SPTLC1: variants seen among roughly 807,000 people sequenced by gnomAD.
SPTLC1 encodes serine palmitoyltransferase 1.
Under a neutral mutation model 68.9 loss-of-function variants are expected in SPTLC1, and 55 were observed. That is an observed-to-expected ratio of 0.80 (90% CI 0.64 to 1.00). The LOEUF is 1.00. Among genes scored for constraint, SPTLC1 ranks in the 50% least tolerant of loss-of-function variants. The pLI is 0.00. For synonymous variants in SPTLC1, 197 were observed against 201.6 expected (o/e 0.98, Z 0.19); for missense variants, 449 against 573.1 (o/e 0.78, Z 2.21).
At chr9:92,068,977 T>C (rs1253205842) in intron 5 of SPTLC1, among the ~76,000 whole-genome samples, 1 of 152,146 alleles carries the variant, frequency 6.6e-6, no homozygotes, top group East Asian at 1.9e-4. Context: ...GACCCAACCC[T>C]GGAGGACTAG....
intron 5 of SPTLC1, among the ~76,000 whole-genome samples, chr9:92,070,995 G>C (rs752735518): frequency 6.6e-6 from 1 of 151,802 alleles, no homozygotes; most frequent in Non-Finnish European, 1.5e-5. Context: ...GTTTTCCAGA[G>C]AGAACACCAT....
intron 14 of SPTLC1, among the ~76,000 whole-genome samples, chr9:92,033,524 T>C (rs1833043136): frequency 6.6e-6 from 1 of 152,184 alleles, no homozygotes; most frequent in Non-Finnish European, 1.5e-5. Flanking sequence ...GCACCTACGG[T>C]CTTACTAACA....
intron 4 of SPTLC1, among the ~76,000 whole-genome samples, chr9:92,080,304 T>C (rs1424590834): frequency 6.6e-6 from 1 of 152,192 alleles, no homozygotes; most frequent in Non-Finnish European, 1.5e-5. Context: ...TCTGCATTTG[T>C]GGGCCAAGTC....
chr9:92,061,189 G>T (rs956026839), intron 6 of SPTLC1, among the ~76,000 whole-genome samples: 1 of 152,158 alleles, frequency 6.6e-6, no homozygotes, highest in Non-Finnish European at 1.5e-5. Flanking sequence ...CAAACAAATA[G>T]TTGCCAAGGC....
chr9:92,110,035 T>C (rs1836167840), intron 2 of SPTLC1: 1 of 152,244 alleles, frequency 6.6e-6, no homozygotes, highest in African/African-American at 2.4e-5. Context: ...CCACTTGATA[T>C]TGACACTTTG....
intron 3 of SPTLC1, chr9:92,105,165 C>T (rs1274704925): frequency 1.3e-5 from 20 of 1,533,844 alleles, no homozygotes; most frequent in Non-Finnish European, 1.7e-5. Context: ...GGCCACAGGT[C>T]CCGCAAAAGA....
intron 7 of SPTLC1, among the ~76,000 whole-genome samples, chr9:92,058,151 T>C (rs1833960305): frequency 6.6e-6 from 1 of 152,226 alleles, no homozygotes; most frequent in African/African-American, 2.4e-5. Context: ...TTCTAAATTG[T>C]GTAAATGTGA....
intron 12 of SPTLC1, among the ~76,000 whole-genome samples, chr9:92,041,632 G>A (rs1009180659): frequency 3.9e-4 from 59 of 152,112 alleles, no homozygotes; most frequent in Non-Finnish European, 1.0e-4. Context: ...ATCATCTACC[G>A]AAGCTACCCT....
chr9:92,104,921 A>G (rs2118805638), intron 3 of SPTLC1: 2 of 1,534,468 alleles, frequency 1.3e-6, no homozygotes, highest in East Asian at 2.4e-5. Context: ...TGGAGTCGCC[A>G]GTTCACACAG....
chr9:92,084,739 G>A (rs1278408191), intron 3 of SPTLC1, among the ~76,000 whole-genome samples: 4 of 151,798 alleles, frequency 2.6e-5, no homozygotes, highest in Admixed American at 6.6e-5. Flanking sequence ...TTGGTATCAG[G>A]ATGATGCTGG....
At chr9:92,051,710 A>G (rs1564088617) in intron 8 of SPTLC1, among the ~76,000 whole-genome samples, 1 of 152,268 alleles carries the variant, frequency 6.6e-6, no homozygotes, top group African/African-American at 2.4e-5. Flanking sequence ...AATCTTATAC[A>G]TAGAATAAGA....
At position 92,104,763 on chromosome 9, in the gene SPTLC1, C is replaced by T. The variant is rs533329865; in HGVS notation, c.260+3977G>A. Reference sequence around the variant, plus strand: ...AGCAATGGGGAAGCAGCTTCCACCTCTAGGCCCCTGGAGACTCAGGGAAAC... The same window carrying T: ...AGCAATGGGGAAGCAGCTTCCACCTTTAGGCCCCTGGAGACTCAGGGAAAC... On this transcript the variant is annotated intron_variant, in intron 3 of 14. Transcript: ENST00000262554. 28 of 1,533,746 alleles carry T rather than the reference C, an allele frequency of 1.8e-5. No individual in the cohort carries two copies. In the African/African-American group the frequency reaches 3.8e-4, roughly 21 times the overall value.
At chr9:92,098,088 C>G (rs964183182) in intron 3 of SPTLC1, among the ~76,000 whole-genome samples, 5 of 152,098 alleles carry the variant, frequency 3.3e-5, no homozygotes, top group African/African-American at 1.2e-4. Context: ...TACCCTGACT[C>G]AGCATTCCCG....
Position 92,062,494 on chromosome 9 carries a change from C to A in SPTLC1, c.561-3186G>T, listed in dbSNP as rs369026564. 2.3e-3 allele frequency among the ~76,000 whole-genome samples: 344 copies of A among 152,136 alleles called. 3 individuals are homozygous for A. The highest frequency in any genetic ancestry group is 6.8e-3 in the Middle Eastern group (2 of 294). ...AGAAGAACCCAAAAACACCATCAAC[C>A]AAAAAGACTTGACATTTATAGAACA... On this transcript the variant is annotated intron_variant, in intron 6 of 14. Coordinates refer to ENST00000262554, the MANE Select transcript of SPTLC1 (RefSeq NM_006415.4).
intron 3 of SPTLC1, chr9:92,105,364 T>C (rs1341698400): frequency 1.2e-5 from 18 of 1,515,826 alleles, no homozygotes; most frequent in Admixed American, 5.9e-5. Context: ...GGTTGTTAAG[T>C]AGAACATCAA....
chr9:92,064,334 GAA>G (rs1834209534), intron 6 of SPTLC1, among the ~76,000 whole-genome samples: 1 of 152,164 alleles, frequency 6.6e-6, no homozygotes, highest in South Asian at 2.1e-4. Context: ...AAATGGACAT[GAA>G]AAGACATTTC....
intron 3 of SPTLC1, among the ~76,000 whole-genome samples, chr9:92,092,125 T>G (rs1437362576): frequency 6.6e-6 from 1 of 152,162 alleles, no homozygotes; most frequent in African/African-American, 2.4e-5. Context: ...TGTCAACTAT[T>G]TGAATAATAA....
At chr9:92,036,260 G>A (rs1209061292) in intron 13 of SPTLC1, among the ~76,000 whole-genome samples, 1 of 152,200 alleles carries the variant, frequency 6.6e-6, no homozygotes, top group Non-Finnish European at 1.5e-5. Context: ...CAGGCCCACA[G>A]ACAGGAGTTT....
At chr9:92,050,228 C>T (rs1238778341) in intron 8 of SPTLC1, 161 bp from the exon 9 acceptor site, 2 of 607,392 alleles carry the variant, frequency 3.3e-6, no homozygotes, top group African/African-American at 1.9e-5. Context: ...TTGCAACCTC[C>T]ATATCAATAC....
Sources: allele counts gnomAD v4.1 joint callset (sites outside exome capture counted in the v4.1 genomes callset), GRCh38; gene constraint gnomAD v4.1.1; transcripts MANE v1.5; gene names NCBI Gene and HGNC (gene_info 2026-07-23, HGNC 2026-07-21).